Variants in SOWAHA observed in about 807,000 individuals in gnomAD.
SOWAHA encodes the protein sosondowah ankyrin repeat domain family member A, also known as ankyrin repeat domain-containing protein SOWAHA.
In SOWAHA, 17 loss-of-function variants were observed where a neutral mutation model predicts 21.1. The ratio of observed to expected loss-of-function variants is 0.80; its 90% CI spans 0.55 to 1.21. SOWAHA has a LOEUF of 1.21. SOWAHA is among the 50% of genes most tolerant of loss of function. The pLI is 0.00. For synonymous variants in SOWAHA, 422 were observed against 397.1 expected (o/e 1.06, Z -0.75); for missense variants, 862 against 816.0 (o/e 1.06, Z -0.69).
At position 132,813,638 on chromosome 5, in the gene SOWAHA, C is replaced by T. The variant is rs1362304605; in HGVS notation, c.17C>T (p.Ala6Val). The change falls in exon 1 of 1, where the codon GCC becomes GTC. Residue 6 changes from alanine to valine, a missense_variant. Coordinates refer to ENST00000378693, the MANE Select transcript of SOWAHA (RefSeq NM_175873.6). ...GGCCCCACCATGGCGCTGGCCGCCGCCGCCGCCGCTGCGGCTGCCGGGGTG... is the reference window on the plus strand; with the variant it reads ...GGCCCCACCATGGCGCTGGCCGCCGTCGCCGCCGCTGCGGCTGCCGGGGTG... MALAA[A>V]AAAAAAGVSQ... 1.0e-5 allele frequency: 14 copies of T among 1,374,236 alleles called. No individual in the cohort carries two copies. The highest frequency in any genetic ancestry group is 1.2e-5 in the Non-Finnish European group (13 of 1,069,528). 85.1% of individuals were successfully genotyped at this position (1,374,236 alleles called of 1,614,324 possible).
In SOWAHA at chr5:132,814,875, C is replaced by T; in HGVS notation, c.1254C>T (p.Ser418=). The change falls in exon 1 of 1, where the codon AGC becomes AGT. Residue 418 remains serine (S), a synonymous_variant. Transcript: ENST00000378693. ...CCCAGGTGCACGTGCGTGATCACAG[C>T]GGGCGTCGCGCCTACCAGTACCTGC... is the stretch of plus-strand genomic sequence containing the variant. ...LGAQVHVRDH[S]GRRAYQYLRP... is the part of the protein sequence containing the mutation. The T allele has an allele frequency of 6.5e-7, 1 of 1,532,650 alleles. No homozygotes were observed. Among genetic ancestry groups the T allele is most frequent in the South Asian group, 1.2e-5 (1 of 83,388 alleles). The allele number at this position is 1,532,650 out of a possible 1,614,324, so 94.9% of individuals were successfully genotyped here.
chr5:132,815,212 C>G lies in SOWAHA; in HGVS notation c.1591C>G (p.Arg531Gly), dbSNP rs781132837. The G allele has an allele frequency of 6.2e-7, 1 of 1,613,638 alleles. No individual in the cohort carries two copies. ...GGLPAFSEISRRPTPGPLAGL... is the reference protein window; with the variant it reads ...GGLPAFSEISGRPTPGPLAGL... ...TCTGCCAGCCTTCTCAGAAATCTCT[C>G]GTCGACCTACTCCGGGGCCTTTAGC... Residue 531 changes from arginine to glycine, a missense_variant, in exon 1 of 1, where the codon CGT becomes GGT. Coordinates refer to ENST00000378693, the MANE Select transcript of SOWAHA (RefSeq NM_175873.6).
rs1581223683 is a variant in SOWAHA, at chr5:132,816,326, A to G, written c.*1055A>G. 6.0e-6 allele frequency: 1 copy of G among 167,132 alleles called. No homozygotes were observed. Among genetic ancestry groups the G allele is most frequent in the Admixed American group, 6.5e-5 (1 of 15,290 alleles). 10.4% of individuals were successfully genotyped at this position (167,132 alleles called of 1,614,324 possible). ...TAATGGATACAATTAAGGAGCAACT[A>G]TTTTATATGACTGTTCTGTACAAAC... On this transcript the variant is annotated 3_prime_UTR_variant, in exon 1 of 1. Transcript: ENST00000378693.
Position 132,814,228 on chromosome 5 carries a change from C to T in SOWAHA, c.607C>T (p.Pro203Ser), listed in dbSNP as rs920218375. The T allele has an allele frequency of 5.8e-6, 9 of 1,552,850 alleles. No homozygotes were observed. The highest frequency in any genetic ancestry group is 6.9e-6 in the Non-Finnish European group (8 of 1,157,922). Residue 203 changes from proline (P) to serine (S), a missense_variant, in exon 1 of 1, where the codon CCC becomes TCC. Pro to Ser is a moderately conservative substitution (Grantham distance 74). Transcript: ENST00000378693. ...SPCSDPPDAE[P>S]GPGAAKGPPQ... ...CTGCTCTGATCCGCCAGACGCGGAG[C>T]CCGGGCCCGGGGCAGCGAAAGGGCC...
chr5:132,813,998 C>A lies in SOWAHA; in HGVS notation c.377C>A (p.Pro126Gln), dbSNP rs750684302. Residue 126 changes from proline to glutamine, a missense_variant, in exon 1 of 1, where the codon CCG (proline) becomes CAG (glutamine). Physicochemically the swap from Pro to Gln is moderately conservative, Grantham distance 76. Coordinates refer to ENST00000378693, the MANE Select transcript of SOWAHA (RefSeq NM_175873.6). The part of the protein sequence containing the change: ...APGAPPLVRV[P>Q]RPVEPPGDLG... Reference sequence around the variant, plus strand: ...GGAGCTCCGCCCTTGGTCCGGGTGCCGCGGCCAGTGGAGCCGCCAGGGGAC... The same window carrying A: ...GGAGCTCCGCCCTTGGTCCGGGTGCAGCGGCCAGTGGAGCCGCCAGGGGAC... 1.9e-6 allele frequency: 3 copies of A among 1,542,954 alleles called. No individual in the cohort carries two copies. The highest frequency in any genetic ancestry group is 2.6e-6 in the Non-Finnish European group (3 of 1,146,468).
rs775444578 is a variant in SOWAHA, at chr5:132,815,204, AAAT to A, written c.1584_1586del (p.Glu528_Ile529delinsAsp). On this transcript the variant is annotated inframe_deletion, in exon 1 of 1. Coordinates refer to ENST00000378693, the MANE Select transcript of SOWAHA (RefSeq NM_175873.6). ...CGCGGTGGTCTGCCAGCCTTCTCAG[AAAT>A]CTCTCGTCGACCTACTCCGGGGCCT... is the stretch of plus-strand genomic sequence containing the variant. 6.2e-7 allele frequency: 1 copy of A among 1,613,824 alleles called. No homozygotes were observed. Among genetic ancestry groups the A allele is most frequent in the Non-Finnish European group, 8.5e-7 (1 of 1,180,022 alleles).
rs2150022403 is a variant in SOWAHA, at chr5:132,815,699, T to C, written c.*428T>C. 1.2e-5 allele frequency: 2 copies of C among 171,726 alleles called. No individual in the cohort carries two copies. Among genetic ancestry groups the C allele is most frequent in the Middle Eastern group, 6.2e-3 (2 of 322 alleles). 10.6% of individuals were successfully genotyped at this position (171,726 alleles called of 1,614,324 possible). A position where few individuals can be genotyped will look rare whatever the true frequency, so the allele number is the denominator to read the frequency against. On this transcript the variant is annotated 3_prime_UTR_variant, in exon 1 of 1. Coordinates refer to ENST00000378693, the MANE Select transcript of SOWAHA (RefSeq NM_175873.6). ...TTTAAGATATGTGGTGGTTTTGTAA[T>C]TTGATGCTTTTATTCTGTTTTTAAA...
In SOWAHA at chr5:132,814,791, C is replaced by T. The variant is rs1758362913; in HGVS notation, c.1170C>T (p.His390=). The change falls in exon 1 of 1, where the codon CAC becomes CAT. Residue 390 remains histidine, a synonymous_variant. Coordinates refer to ENST00000378693, the MANE Select transcript of SOWAHA (RefSeq NM_175873.6). The part of the protein sequence containing the change: ...ARSHGGYTPL[H]LAALHGHEDA... The stretch of plus-strand genomic sequence containing the variant: ...CCCACGGCGGCTACACGCCGCTGCA[C>T]CTGGCTGCACTGCACGGCCACGAGG... 1.3e-6 allele frequency: 2 copies of T among 1,528,166 alleles called. No individual in the cohort carries two copies. Among genetic ancestry groups the T allele is most frequent in the Non-Finnish European group, 1.8e-6 (2 of 1,141,234 alleles). The allele number at this position is 1,528,166 out of a possible 1,614,324, so 94.7% of individuals were successfully genotyped here.
chr5:132,814,547 C>T lies in SOWAHA; in HGVS notation c.926C>T (p.Pro309Leu). Reference sequence around the variant, plus strand: ...CCGCCGTCCGCGGTGCCCCTGGAGCCGTCCGAGCACGAGTGGCTCGTGCGG... The same window carrying T: ...CCGCCGTCCGCGGTGCCCCTGGAGCTGTCCGAGCACGAGTGGCTCGTGCGG... ...APPPSAVPLE[P>L]SEHEWLVRTA... Residue 309 changes from proline to leucine, a missense_variant, in exon 1 of 1, where the codon CCG becomes CTG. Pro to Leu is a moderately conservative substitution (Grantham distance 98, BLOSUM62 -3). Coordinates refer to ENST00000378693, the MANE Select transcript of SOWAHA (RefSeq NM_175873.6). The T allele has an allele frequency of 7.1e-7, 1 of 1,401,624 alleles. No individual in the cohort carries two copies. Among genetic ancestry groups the T allele is most frequent in the Non-Finnish European group, 9.2e-7 (1 of 1,087,908 alleles). 86.8% of individuals were successfully genotyped at this position (1,401,624 alleles called of 1,614,324 possible).
In SOWAHA at chr5:132,816,065, GA is replaced by G. The variant is rs1758381470; in HGVS notation, c.*795del. ...GTGACTTAGAGAAAAGAGACATTTTGACAGATACTTTTAATTTGTGGTTGTC... is the reference window on the plus strand; with the variant it reads ...GTGACTTAGAGAAAAGAGACATTTTGCAGATACTTTTAATTTGTGGTTGTC... On this transcript the variant is annotated 3_prime_UTR_variant, in exon 1 of 1. Coordinates refer to ENST00000378693, the MANE Select transcript of SOWAHA (RefSeq NM_175873.6). 1 of 167,038 alleles carries G rather than the reference GA, an allele frequency of 6.0e-6. No homozygotes were observed. The highest frequency in any genetic ancestry group is 1.5e-5 in the Non-Finnish European group (1 of 68,118). 10.3% of individuals were successfully genotyped at this position (167,038 alleles called of 1,614,324 possible).
Position 132,814,434 on chromosome 5 carries a change from C to T in SOWAHA, c.813C>T (p.Gly271=), listed in dbSNP as rs1478423760. ...AGTCCGGTCTGGGCCTCGGCCTGGG[C>T]CCGGGCCGCTCCCCGCACCTGAGGC... ...VEESGLGLGL[G]PGRSPHLRRL... Residue 271 remains glycine (G), a synonymous_variant, in exon 1 of 1, where the codon GGC becomes GGT. Coordinates refer to ENST00000378693, the MANE Select transcript of SOWAHA (RefSeq NM_175873.6). The T allele has an allele frequency of 2.7e-6, 4 of 1,472,548 alleles. No individual in the cohort carries two copies. Among genetic ancestry groups the T allele is most frequent in the Non-Finnish European group, 3.6e-6 (4 of 1,120,420 alleles). 91.2% of individuals were successfully genotyped at this position (1,472,548 alleles called of 1,614,324 possible).
Position 132,814,254 on chromosome 5 carries a change from G to A in SOWAHA, c.633G>A (p.Pro211=). 4.6e-6 allele frequency: 7 copies of A among 1,530,970 alleles called. No homozygotes were observed. Among genetic ancestry groups the A allele is most frequent in the Non-Finnish European group, 6.1e-6 (7 of 1,146,354 alleles). The allele number at this position is 1,530,970 out of a possible 1,614,324, so 94.8% of individuals were successfully genotyped here. A position where few individuals can be genotyped will look rare whatever the true frequency, so the allele number is the denominator to read the frequency against. The change falls in exon 1 of 1, where the codon CCG becomes CCA. Residue 211 remains proline, a synonymous_variant. Coordinates refer to ENST00000378693, the MANE Select transcript of SOWAHA (RefSeq NM_175873.6). ...CCGGGCCCGGGGCAGCGAAAGGGCC[G>A]CCGCAGCAGAAGCCCTGTATGCTGC... The part of the protein sequence containing the change: ...AEPGPGAAKG[P]PQQKPCMLPV...
Position 132,814,988 on chromosome 5 carries a change from G to A in SOWAHA, c.1367G>A (p.Ser456Asn), listed in dbSNP as rs944685230. The change falls in exon 1 of 1, where the codon AGT becomes AAT. Residue 456 changes from serine to asparagine, a missense_variant. By Grantham distance (46) the Ser-to-Asn change is conservative. Coordinates refer to ENST00000378693, the MANE Select transcript of SOWAHA (RefSeq NM_175873.6). Reference sequence around the variant, plus strand: ...GAGCCAGATGCGACCGGTGGTGGAAGTGGCAGTCTTGCTGCCAGGCGCCCC... The same window carrying A: ...GAGCCAGATGCGACCGGTGGTGGAAATGGCAGTCTTGCTGCCAGGCGCCCC... ...TTEPDATGGG[S>N]GSLAARRPVQ... is the part of the protein sequence containing the mutation. 6.3e-7 allele frequency: 1 copy of A among 1,595,284 alleles called. No homozygotes were observed. Among genetic ancestry groups the A allele is most frequent in the Non-Finnish European group, 8.5e-7 (1 of 1,171,712 alleles).
At position 132,813,473 on chromosome 5, in the gene SOWAHA, G is replaced by T; in HGVS notation, c.-149G>T. 2.4e-6 allele frequency: 1 copy of T among 422,066 alleles called. No homozygotes were observed. Among genetic ancestry groups the T allele is most frequent in the Non-Finnish European group, 3.3e-6 (1 of 305,570 alleles). 26.1% of individuals were successfully genotyped at this position (422,066 alleles called of 1,614,324 possible). ...CGCCCCGGCCCAGCGGCACTGGCGC[G>T]ACCGAGGTCCAGCTTCGGGGACACG... On this transcript the variant is annotated 5_prime_UTR_variant, in exon 1 of 1. Coordinates refer to ENST00000378693, the MANE Select transcript of SOWAHA (RefSeq NM_175873.6).
Position 132,814,197 on chromosome 5 carries a change from A to C in SOWAHA, c.576A>C (p.Ala192=). 1 of 1,592,788 alleles carries C rather than the reference A, an allele frequency of 6.3e-7. No individual in the cohort carries two copies. The highest frequency in any genetic ancestry group is 8.5e-7 in the Non-Finnish European group (1 of 1,177,012). ...CGCCTAGGGCCCCTTCTGAGGCGGC[A>C]TCGCCCTGCTCTGATCCGCCAGACG... The part of the protein sequence containing the change: ...APPPRAPSEA[A]SPCSDPPDAE... The change falls in exon 1 of 1, where the codon GCA becomes GCC. Residue 192 remains alanine, a synonymous_variant. Transcript: ENST00000378693.
rs755223724 is a variant in SOWAHA, at chr5:132,813,961, G to C, written c.340G>C (p.Ala114Pro). The C allele has an allele frequency of 6.5e-7, 1 of 1,543,388 alleles. No homozygotes were observed. Among genetic ancestry groups the C allele is most frequent in the Non-Finnish European group, 8.7e-7 (1 of 1,144,484 alleles). The change falls in exon 1 of 1, where the codon GCC becomes CCC. Residue 114 changes from alanine (A) to proline (P), a missense_variant. Physicochemically the swap from Ala to Pro is conservative, Grantham distance 27. Transcript: ENST00000378693. ...KPTSTVLPRSASAPGAPPLVR... is the reference protein window; with the variant it reads ...KPTSTVLPRSPSAPGAPPLVR... ...CACTTCGACGGTCTTGCCGCGGAGC[G>C]CCTCTGCCCCGGGAGCTCCGCCCTT...
rs1421475559 is a variant in SOWAHA, at chr5:132,815,670, C to T, written c.*399C>T. On this transcript the variant is annotated 3_prime_UTR_variant, in exon 1 of 1. Transcript: ENST00000378693. ...TAAATGTTGAAAGATGTTAGGTTGT[C>T]AGCTTTAAGATATGTGGTGGTTTTG... 2 of 179,976 alleles carry T rather than the reference C, an allele frequency of 1.1e-5. No homozygotes were observed. Among genetic ancestry groups the T allele is most frequent in the African/African-American group, 4.8e-5 (2 of 41,942 alleles). 11.1% of individuals were successfully genotyped at this position (179,976 alleles called of 1,614,324 possible). A position where few individuals can be genotyped will look rare whatever the true frequency, so the allele number is the denominator to read the frequency against.
Position 132,815,036 on chromosome 5 carries a change from T to C in SOWAHA, c.1415T>C (p.Leu472Pro). The C allele has an allele frequency of 6.2e-7, 1 of 1,606,604 alleles. No homozygotes were observed. Among genetic ancestry groups the C allele is most frequent in the African/African-American group, 1.3e-5 (1 of 74,972 alleles). Residue 472 changes from leucine to proline, a missense_variant, in exon 1 of 1, where the codon CTC (leucine) becomes CCC (proline). Coordinates refer to ENST00000378693, the MANE Select transcript of SOWAHA (RefSeq NM_175873.6). ...RRPVQVAATILSSTTSAFLGV... is the reference protein window; with the variant it reads ...RRPVQVAATIPSSTTSAFLGV... ...CCCGTACAGGTGGCCGCCACCATCCTCAGTTCCACCACCAGTGCATTTCTG... is the reference window on the plus strand; with the variant it reads ...CCCGTACAGGTGGCCGCCACCATCCCCAGTTCCACCACCAGTGCATTTCTG...
Position 132,815,054 on chromosome 5 carries a change from C to A in SOWAHA, c.1433C>A (p.Ala478Glu). Reference protein sequence around the residue: ...AATILSSTTSAFLGVLADDLM... With the variant: ...AATILSSTTSEFLGVLADDLM... ...ACCATCCTCAGTTCCACCACCAGTG[C>A]ATTTCTGGGCGTCCTGGCTGACGAC... Residue 478 changes from alanine (A) to glutamate (E), a missense_variant, in exon 1 of 1, where the codon GCA becomes GAA. Transcript: ENST00000378693. 1 of 1,610,330 alleles carries A rather than the reference C, an allele frequency of 6.2e-7. No individual in the cohort carries two copies. The highest frequency in any genetic ancestry group is 8.5e-7 in the Non-Finnish European group (1 of 1,177,900).
Sources: allele counts gnomAD v4.1 joint callset, GRCh38; gene constraint gnomAD v4.1.1; transcripts MANE v1.5; gene names NCBI Gene and HGNC (gene_info 2026-07-23, HGNC 2026-07-21).